TTK: variants seen among roughly 807,000 people sequenced by gnomAD.
TTK encodes dual specificity protein kinase TTK.
In TTK, 59 loss-of-function variants were observed where a neutral mutation model predicts 117.3. The observed-to-expected ratio is 0.50, with a 90% CI of 0.41 to 0.62. The LOEUF (loss-of-function observed/expected upper bound fraction) is 0.62. TTK is among the 20% of genes least tolerant of loss of function. The pLI is 0.00. For missense variants in TTK, 921 were observed against 989.4 expected, an observed-to-expected ratio of 0.93 and a Z score of 0.93; for synonymous variants, 302 against 325.0, an observed-to-expected ratio of 0.93 and a Z score of 0.76.
At chr6:80,024,849 C>G (rs1252132853) in intron 11 of TTK, among the ~76,000 whole-genome samples, 1 of 152,026 alleles carries the variant, frequency 6.6e-6, no homozygotes, top group Non-Finnish European at 1.5e-5. Context: ...GCTGTGTGCT[C>G]TCTGTTCTGT....
intron 9 of TTK, 37 bp from the exon 10 acceptor site, chr6:80,014,426 A>G (rs1767249082): frequency 6.4e-7 from 1 of 1,568,584 alleles, no homozygotes; most frequent in Non-Finnish European, 8.6e-7. Context: ...TAGTACTACT[A>G]TTTATGGGAC....
chr6:80,037,329 A>C (rs987592973), intron 17 of TTK, among the ~76,000 whole-genome samples: 4 of 152,078 alleles, frequency 2.6e-5, no homozygotes, highest in African/African-American at 9.7e-5. Flanking sequence ...AATGAGTTGT[A>C]AATCAGCTTG....
At chr6:80,035,553 T>C (rs1192671933) in intron 16 of TTK, 136 bp downstream of exon 16, 3 of 974,066 alleles carry the variant, frequency 3.1e-6, no homozygotes, top group East Asian at 5.9e-5. Flanking sequence ...AGAAGTTTAT[T>C]TAAAGATAAA....
At chr6:80,013,187 ATTATT>A (rs1767210044) in intron 8 of TTK, 87 bp from the exon 9 acceptor site, 3 of 993,938 alleles carry the variant, frequency 3.0e-6, no homozygotes, top group Non-Finnish European at 4.5e-6. Context: ...AAGTATGTAT[ATTATT>A]AAAAATCCAA....
At chr6:80,038,120 C>G (rs1196064734) in intron 18 of TTK, 73 bp downstream of exon 18, 1 of 1,066,566 alleles carries the variant, frequency 9.4e-7, no homozygotes, top group East Asian at 2.7e-5. Flanking sequence ...AATAAACTTA[C>G]CAGATAACAA....
Position 80,027,974 on chromosome 6 carries a change from A to G in TTK, c.1484A>G (p.Gln495Arg). 6.2e-7 allele frequency: 1 copy of G among 1,607,094 alleles called. No individual in the cohort carries two copies. The change falls in exon 13 of 22, where the codon CAG becomes CGG. Residue 495 changes from glutamine (Q) to arginine (R), a missense_variant. By Grantham distance (43) the Gln-to-Arg change is conservative. Coordinates refer to ENST00000369798, the MANE Select transcript of TTK (RefSeq NM_003318.5). ...YGQPACFQQQ[Q>R]HQILATPLQN... ...CAACCTGCCTGTTTCCAGCAGCAAC[A>G]GCATCAAATACTTGCCACTCCACTT... is the stretch of plus-strand genomic sequence containing the variant.
chr6:80,020,112 C>T (rs1767420100), intron 10 of TTK, among the ~76,000 whole-genome samples: 1 of 152,014 alleles, frequency 6.6e-6, no homozygotes. Flanking sequence ...TAGCTTTTAC[C>T]TCAGAATCTA....
chr6:80,030,457 T>A (rs1184827922), intron 13 of TTK, among the ~76,000 whole-genome samples: 1 of 152,156 alleles, frequency 6.6e-6, no homozygotes, highest in African/African-American at 2.4e-5. Flanking sequence ...CTTACACTGC[T>A]ATAAAGAAAA....
Position 80,007,991 on chromosome 6 carries a change from A to ACG in TTK, c.322_323insCG (p.Ser108ThrfsTer8). ...CCCAGATAAATATGGCCAAAATGAG[A>ACG]GTTTTGCTAGAATTCAAGTGAGATT... On this transcript the variant is annotated frameshift_variant, in exon 3 of 22. Coordinates refer to ENST00000369798, the MANE Select transcript of TTK (RefSeq NM_003318.5). LOFTEE classifies it high-confidence loss of function. The ACG allele has an allele frequency of 2.5e-6, 4 of 1,591,592 alleles. No individual in the cohort carries two copies. Among genetic ancestry groups the ACG allele is most frequent in the Non-Finnish European group, 3.4e-6 (4 of 1,160,000 alleles).
intron 10 of TTK, among the ~76,000 whole-genome samples, chr6:80,016,509 T>G (rs1033545091): frequency 6.6e-6 from 1 of 152,208 alleles, no homozygotes; most frequent in Admixed American, 6.5e-5. Context: ...GATACTCTCT[T>G]GTAACATACT....
Position 80,026,395 on chromosome 6 carries a change from T to G in TTK, c.1275T>G (p.Phe425Leu), listed in dbSNP as rs1226208659. ...TGTTTTAGCAGAAACATACCACTTT[T>G]GAGCAACCTGTCTTTTCAGTTTCAA... ...KVNTEQKHTT[F>L]EQPVFSVSKQ... The change falls in exon 12 of 22, where the codon TTT becomes TTG. Residue 425 changes from phenylalanine (F) to leucine (L), a missense_variant. Transcript: ENST00000369798. 2 of 1,613,194 alleles carry G rather than the reference T, an allele frequency of 1.2e-6. No individual in the cohort carries two copies. Among genetic ancestry groups the G allele is most frequent in the African/African-American group, 2.7e-5 (2 of 75,028 alleles).
chr6:80,020,390 T>A (rs1767426807), intron 10 of TTK, among the ~76,000 whole-genome samples: 1 of 152,090 alleles, frequency 6.6e-6, no homozygotes, highest in African/African-American at 2.4e-5. Context: ...CTGACCTGTA[T>A]AAGAAAAATA....
intron 13 of TTK, among the ~76,000 whole-genome samples, chr6:80,028,733 G>GTAC (rs1402195331): frequency 2.0e-5 from 3 of 152,134 alleles, no homozygotes; most frequent in African/African-American, 7.2e-5. Flanking sequence ...GCAATATGAG[G>GTAC]TACTGCTAGA....
At position 80,026,522 on chromosome 6, in the gene TTK, C is replaced by G; in HGVS notation, c.1394+8C>G. 6.2e-7 allele frequency: 1 copy of G among 1,613,052 alleles called. No homozygotes were observed. ...GGATGATTACATGAGCTGGTAATTACTTTGGCCCCTTGCTTGATTGGCAGG... is the reference window on the plus strand; with the variant it reads ...GGATGATTACATGAGCTGGTAATTAGTTTGGCCCCTTGCTTGATTGGCAGG... On this transcript the variant is annotated splice_region_variant and intron_variant, in intron 12 of 21. Transcript: ENST00000369798.
intron 13 of TTK, among the ~76,000 whole-genome samples, chr6:80,029,923 T>C (rs1295465361): frequency 1.3e-5 from 2 of 152,264 alleles, no homozygotes; most frequent in East Asian, 3.9e-4. Context: ...CCCTTGGCAA[T>C]GTTCACAGTT....
In TTK at chr6:80,040,678, C is replaced by T. The variant is rs767635121; in HGVS notation, c.2465C>T (p.Pro822Leu). ...VLGQLVGLNS[P>L]NSILKAAKTL... ...GGCCAACTTGTTGGTCTGAATTCTC[C>T]TAACTCCATTTTGAAAGCTGCTAAA... The change falls in exon 21 of 22, where the codon CCT (proline) becomes CTT (leucine). Residue 822 changes from proline to leucine, a missense_variant. By Grantham distance (98) the Pro-to-Leu change is moderately conservative. Coordinates refer to ENST00000369798, the MANE Select transcript of TTK (RefSeq NM_003318.5). The T allele has an allele frequency of 5.6e-6, 9 of 1,611,558 alleles. No homozygotes were observed. Among genetic ancestry groups the T allele is most frequent in the Non-Finnish European group, 7.6e-6 (9 of 1,178,456 alleles).
At chr6:80,018,124 A>G (rs1230635538) in intron 10 of TTK, among the ~76,000 whole-genome samples, 1 of 152,024 alleles carries the variant, frequency 6.6e-6, no homozygotes, top group Non-Finnish European at 1.5e-5. Context: ...GCAATGAGCC[A>G]TGATCACATG....
At chr6:80,035,555 A>G (rs932065145) in intron 16 of TTK, 138 bp downstream of exon 16, 4 of 971,206 alleles carry the variant, frequency 4.1e-6, no homozygotes, top group African/African-American at 1.7e-5. Context: ...AAGTTTATTT[A>G]AAGATAAAGG....
In TTK at chr6:80,030,550, GAA is replaced by G. The variant is rs1356624664; in HGVS notation, c.1522-915_1522-914del. Among the ~76,000 whole-genome samples the G allele has an allele frequency of 2.6e-5, 4 of 152,150 alleles. No homozygotes were observed. In the East Asian group the frequency reaches 7.7e-4, roughly 29 times the overall value. On this transcript the variant is annotated intron_variant, in intron 13 of 21. Coordinates refer to ENST00000369798, the MANE Select transcript of TTK (RefSeq NM_003318.5). ...TGGTTGGCTTCTGGGGAGGCCTCAG[GAA>G]ACTTTCAATCATGGCAGAAGGTGAA... is the stretch of plus-strand genomic sequence containing the variant.
Sources: gnomAD v4.1 joint callset for allele counts (sites outside exome capture counted in the v4.1 genomes callset) on GRCh38, gnomAD v4.1.1 for gene constraint, MANE v1.5 for transcripts, NCBI Gene and HGNC (gene_info 2026-07-23, HGNC 2026-07-21) for gene names.